RALYL: variants seen among roughly 807,000 people sequenced by gnomAD.
RALYL encodes the protein RALY RNA binding protein like.
RALYL carries 29 observed loss-of-function variants against 35.1 expected under a neutral mutation model. The ratio of observed to expected loss-of-function variants is 0.83; its 90% CI spans 0.61 to 1.13. The LOEUF (loss-of-function observed/expected upper bound fraction) is 1.13. Among genes scored for constraint, RALYL ranks in the 50% most tolerant of loss-of-function variants. RALYL has a pLI of 0.00. For missense variants in RALYL, 359 were observed against 360.4 expected (o/e 1.00, Z 0.03); for synonymous variants, 120 against 127.6 (o/e 0.94, Z 0.40).
intron 1 of RALYL, among the ~76,000 whole-genome samples, chr8:84,231,842 C>G (rs916571115): frequency 3.9e-5 from 6 of 152,050 alleles, no homozygotes; most frequent in African/African-American, 1.4e-4. Context: ...AGTTAAATAT[C>G]TAGGATTCTG....
intron 1 of RALYL, among the ~76,000 whole-genome samples, chr8:84,436,669 T>C (rs1287633925): frequency 6.7e-6 from 1 of 150,066 alleles, no homozygotes; most frequent in Non-Finnish European, 1.5e-5. Flanking sequence ...TATTGGGGTA[T>C]AATTGATATA....
intron 1 of RALYL, among the ~76,000 whole-genome samples, chr8:84,269,902 A>C (rs1323835809): frequency 6.6e-6 from 1 of 152,178 alleles, no homozygotes; most frequent in African/African-American, 2.4e-5. Context: ...TTAAAATTAT[A>C]GTAGAAATGT....
At chr8:84,261,349 A>G (rs1343380745) in intron 1 of RALYL, among the ~76,000 whole-genome samples, 4 of 152,202 alleles carry the variant, frequency 2.6e-5, no homozygotes, top group Admixed American at 6.5e-5. Flanking sequence ...CCAGGTGGAG[A>G]TAATAGAATC....
At chr8:84,697,269 A>G (rs1384697731) in intron 2 of RALYL, among the ~76,000 whole-genome samples, 1 of 152,088 alleles carries the variant, frequency 6.6e-6, no homozygotes, top group Non-Finnish European at 1.5e-5. Flanking sequence ...AGAATTACTT[A>G]TCATAGTATT....
chr8:84,869,385 T>C (rs1563777726), intron 6 of RALYL, among the ~76,000 whole-genome samples: 1 of 36,588 alleles, frequency 2.7e-5, no homozygotes, highest in African/African-American at 4.4e-4. Context: ...AAATAATGTA[T>C]AATGGCTGGG....
rs188249810 is a variant in RALYL, at chr8:84,719,721, A to G, written c.257-54858A>G. Among the ~76,000 whole-genome samples the G allele has an allele frequency of 3.7e-3, 560 of 152,278 alleles. 4 individuals are homozygous for G. Among genetic ancestry groups the G allele is most frequent in the African/African-American group, 0.012 (519 of 41,580 alleles). Reference sequence around the variant, plus strand: ...GGGTTACAGTGAGATGTTTTGATACATATATATTGGATAATTATCACATCA... The same window carrying G: ...GGGTTACAGTGAGATGTTTTGATACGTATATATTGGATAATTATCACATCA... On this transcript the variant is annotated intron_variant, in intron 2 of 8. Transcript: ENST00000521268.
chr8:84,349,061 C>T (rs568899879), intron 1 of RALYL, among the ~76,000 whole-genome samples: 7 of 150,198 alleles, frequency 4.7e-5, no homozygotes, highest in African/African-American at 1.7e-4. Context: ...CTGAGATCAA[C>T]CTATGGATAG....
At chr8:84,299,321 C>A (rs529860499) in intron 1 of RALYL, among the ~76,000 whole-genome samples, 1 of 152,176 alleles carries the variant, frequency 6.6e-6, no homozygotes, top group South Asian at 2.1e-4. Context: ...ATGAAGCCTA[C>A]TTGATCGTGG....
At chr8:84,625,931 G>A (rs938286629) in intron 2 of RALYL, among the ~76,000 whole-genome samples, 1 of 152,132 alleles carries the variant, frequency 6.6e-6, no homozygotes, top group Non-Finnish European at 1.5e-5. Context: ...TTGTGGTTAT[G>A]TGGAGGGAGT....
chr8:84,893,793 G>T (rs1844280655), intron 8 of RALYL, among the ~76,000 whole-genome samples: 1 of 152,170 alleles, frequency 6.6e-6, no homozygotes. Flanking sequence ...CATTTAAATG[G>T]ATTAAGGAGA....
intron 8 of RALYL, among the ~76,000 whole-genome samples, chr8:84,892,504 G>A (rs2135473464): frequency 6.6e-6 from 1 of 151,950 alleles, no homozygotes; most frequent in Non-Finnish European, 1.5e-5. Flanking sequence ...CAGCTACTCA[G>A]AAGGCTGAGG....
chr8:84,660,320 A>G (rs1396928354), intron 2 of RALYL, among the ~76,000 whole-genome samples: 1 of 151,920 alleles, frequency 6.6e-6, no homozygotes, highest in Admixed American at 6.6e-5. Flanking sequence ...AGTTTATGTT[A>G]TCAGTTCTTT....
At chr8:84,492,708 T>C (rs1039405020) in intron 1 of RALYL, among the ~76,000 whole-genome samples, 3 of 148,388 alleles carry the variant, frequency 2.0e-5, no homozygotes, top group African/African-American at 5.3e-5. Context: ...TGATTAACCA[T>C]AATACAAATG....
At chr8:84,859,069 A>G (rs1208141359) in intron 5 of RALYL, among the ~76,000 whole-genome samples, 3 of 152,186 alleles carry the variant, frequency 2.0e-5, no homozygotes, top group African/African-American at 7.2e-5. Context: ...TGGAAAATGA[A>G]AGTATACTCC....
intron 2 of RALYL, among the ~76,000 whole-genome samples, chr8:84,644,816 A>AT (rs1397304814): frequency 6.6e-6 from 1 of 151,390 alleles, no homozygotes; most frequent in Non-Finnish European, 1.5e-5. Flanking sequence ...CAGTGGTTCA[A>AT]TTTTGGCTCA....
chr8:84,781,168 AG>A (rs1479528464), intron 3 of RALYL, among the ~76,000 whole-genome samples: 2 of 152,138 alleles, frequency 1.3e-5, no homozygotes, highest in African/African-American at 4.8e-5. Context: ...CAGCTTTGAA[AG>A]GTTATTTTAT....
intron 1 of RALYL, among the ~76,000 whole-genome samples, chr8:84,523,649 A>G (rs942147406): frequency 8.5e-6 from 1 of 117,210 alleles, no homozygotes; most frequent in African/African-American, 3.1e-5. Context: ...ATATCTCCCA[A>G]TGCTATCCCT....
intron 1 of RALYL, among the ~76,000 whole-genome samples, chr8:84,372,886 G>GTTTTTTTTGTTTTGTTTTGTTTTTTTT (rs1856064727): frequency 2.0e-4 from 8 of 39,076 alleles, no homozygotes; most frequent in Admixed American, 3.8e-4. Flanking sequence ...GCCAGCATCT[G>GTTTTTTTTGTTTTGTTTTGTTTTTTTT]TTTTTTTTTT....
At chr8:84,192,036 C>T (rs566884002) in intron 1 of RALYL, among the ~76,000 whole-genome samples, 2 of 152,184 alleles carry the variant, frequency 1.3e-5, no homozygotes, top group African/African-American at 4.8e-5. Context: ...TGCAAGTCAT[C>T]GTTTTAAGTG....
Sources: allele counts gnomAD v4.1 joint callset (sites outside exome capture counted in the v4.1 genomes callset), GRCh38; gene constraint gnomAD v4.1.1; transcripts MANE v1.5; gene names NCBI Gene and HGNC (gene_info 2026-07-23, HGNC 2026-07-21).